The following PTPRD variants were observed in gnomAD, a reference collection of about 807,000 sequenced individuals.
The protein encoded by PTPRD is protein tyrosine phosphatase receptor type D.
A neutral mutation model predicts 214.5 loss-of-function variants in PTPRD; 34 were observed. The ratio of observed to expected loss-of-function variants is 0.16; its 90% CI spans 0.12 to 0.21. PTPRD has a LOEUF of 0.21. Ranked by LOEUF, PTPRD falls within the 10% of genes least tolerant of loss-of-function variation. PTPRD has a pLI of 1.00. For missense variants in PTPRD, 2,545 were observed against 2,398.7 expected, an observed-to-expected ratio of 1.06 and a Z score of -1.27; for synonymous variants, 1,128 against 845.7, an observed-to-expected ratio of 1.33 and a Z score of -5.79.
chr9:10,200,865 C>G (rs773300651), intron 3 of PTPRD, among the ~76,000 whole-genome samples: 16 of 151,976 alleles, frequency 1.1e-4, no homozygotes, highest in Non-Finnish European at 2.2e-4. Context: ...TTGTAAAATA[C>G]TAAGAAGAAC....
chr9:10,586,696 T>C (rs2073995578), intron 2 of PTPRD, among the ~76,000 whole-genome samples: 2 of 152,028 alleles, frequency 1.3e-5, no homozygotes. Flanking sequence ...TTATTCCTTC[T>C]TACTATCTAG....
At chr9:9,311,752 A>G (rs1959073948) in intron 9 of PTPRD, among the ~76,000 whole-genome samples, 1 of 152,218 alleles carries the variant, frequency 6.6e-6, no homozygotes, top group East Asian at 1.9e-4. Context: ...TGTTTTAAAT[A>G]GAATACAGAA....
chr9:9,267,092 C>A (rs10977623), intron 9 of PTPRD, among the ~76,000 whole-genome samples: 2 of 151,206 alleles, frequency 1.3e-5, no homozygotes, highest in African/African-American at 4.8e-5. Flanking sequence ...GTTTTAAATG[C>A]TAATTACCCT....
chr9:9,014,736 T>C (rs566370011), intron 11 of PTPRD, among the ~76,000 whole-genome samples: 11 of 152,276 alleles, frequency 7.2e-5, no homozygotes, highest in African/African-American at 2.4e-4. Context: ...TCTAAACACA[T>C]TGAGCCTCTA....
In PTPRD at chr9:9,812,204, A is replaced by C. The variant is rs141714110; in HGVS notation, c.-367-45353T>G. 1.3e-3 allele frequency among the ~76,000 whole-genome samples: 197 copies of C among 152,258 alleles called. 1 individual carries two copies. The highest frequency in any genetic ancestry group is 4.5e-3 in the African/African-American group (187 of 41,564). On this transcript the variant is annotated intron_variant, in intron 5 of 45. Transcript: ENST00000381196. ...AGTATAGTATAAACGTAACTTTTAT[A>C]TTTATGGGAAACCAAAAATTTTGTA... is the stretch of plus-strand genomic sequence containing the variant.
intron 3 of PTPRD, among the ~76,000 whole-genome samples, chr9:10,289,235 T>C (rs1235877433): frequency 1.3e-5 from 2 of 152,178 alleles, no homozygotes; most frequent in Admixed American, 6.6e-5. Context: ...ATATACTATG[T>C]ATTATTTTAT....
chr9:9,869,523 A>T (rs143499725), intron 5 of PTPRD, among the ~76,000 whole-genome samples: 20 of 152,204 alleles, frequency 1.3e-4, no homozygotes, highest in African/African-American at 4.8e-4. Flanking sequence ...TTTGTCCCAC[A>T]TTCAGATTGT....
At chr9:9,964,053 G>GAAGC (rs2094522809) in intron 4 of PTPRD, among the ~76,000 whole-genome samples, 1 of 152,154 alleles carries the variant, frequency 6.6e-6, no homozygotes. Flanking sequence ...GACAGAGGCA[G>GAAGC]AGGCAGGCAG....
chr9:9,619,255 C>T (rs2095088639), intron 7 of PTPRD, among the ~76,000 whole-genome samples: 1 of 151,890 alleles, frequency 6.6e-6, no homozygotes, highest in African/African-American at 2.4e-5. Flanking sequence ...TATAGACTTG[C>T]AGATGTTGAA....
At chr9:10,105,026 C>T (rs1227528759) in intron 3 of PTPRD, among the ~76,000 whole-genome samples, 1 of 151,902 alleles carries the variant, frequency 6.6e-6, no homozygotes, top group Non-Finnish European at 1.5e-5. Context: ...TAATGCTTTA[C>T]ATTTCAGTCC....
rs545240990 is a variant in PTPRD, at chr9:9,008,417, C to T, written c.-104+10280G>A. ...TAATTTTTTGTATTTTTATTAGAGACGGGGTTTCACCGTGTTAGCCAGGAT... is the reference window on the plus strand; with the variant it reads ...TAATTTTTTGTATTTTTATTAGAGATGGGGTTTCACCGTGTTAGCCAGGAT... On this transcript the variant is annotated intron_variant, in intron 11 of 45. Transcript: ENST00000381196. Among the ~76,000 whole-genome samples, 97 of 151,614 alleles carry T rather than the reference C, an allele frequency of 6.4e-4. 2 individuals are homozygous for T. Among genetic ancestry groups the T allele is most frequent in the African/African-American group, 2.3e-3 (94 of 41,332 alleles).
intron 8 of PTPRD, among the ~76,000 whole-genome samples, chr9:9,456,292 C>A (rs1190429778): frequency 6.6e-6 from 1 of 151,652 alleles, no homozygotes; most frequent in Non-Finnish European, 1.5e-5. Context: ...CAAACACAAA[C>A]CCCAATGTCT....
intron 39 of PTPRD, among the ~76,000 whole-genome samples, chr9:8,347,802 C>T (rs12682993): frequency 0.13 from 19,927 of 152,042 alleles, 1,798 homozygotes; most frequent in East Asian, 0.35. Context: ...GGCCGTGTGA[C>T]GGCACAGTGA....
chr9:9,122,281 C>T (rs2099818329), intron 10 of PTPRD, among the ~76,000 whole-genome samples: 1 of 152,076 alleles, frequency 6.6e-6, no homozygotes, highest in African/African-American at 2.4e-5. Flanking sequence ...GAAAGACACA[C>T]CTATATGGGA....
intron 3 of PTPRD, among the ~76,000 whole-genome samples, chr9:10,199,870 T>C (rs952959364): frequency 5.3e-5 from 8 of 150,664 alleles, no homozygotes; most frequent in African/African-American, 1.7e-4. Context: ...CCAACATAAC[T>C]ACCACTTAAC....
At chr9:9,228,911 G>A (rs2133756628) in intron 9 of PTPRD, among the ~76,000 whole-genome samples, 1 of 152,192 alleles carries the variant, frequency 6.6e-6, no homozygotes, top group East Asian at 1.9e-4. Flanking sequence ...TATGTGAAGT[G>A]TAGATAGTTT....
At chr9:8,528,883 G>A (rs2074941667) in intron 14 of PTPRD, 104 bp from the exon 15 acceptor site, 1 of 1,097,450 alleles carries the variant, frequency 9.1e-7, no homozygotes, top group Non-Finnish European at 1.3e-6. Context: ...TGCTTGTTGA[G>A]AACCTAACAC....
At position 8,708,272 on chromosome 9, in the gene PTPRD, G is replaced by A. The variant is rs569681772; in HGVS notation, c.64+25508C>T. ...GGTTGTTATCAAATAACAAAAGGTA[G>A]GTGTTGGTGAGGATGTGGAGAAAAG... is the stretch of plus-strand genomic sequence containing the variant. On this transcript the variant is annotated intron_variant, in intron 12 of 45. Coordinates refer to ENST00000381196, the MANE Select transcript of PTPRD (RefSeq NM_002839.4). 1.5e-4 allele frequency among the ~76,000 whole-genome samples: 23 copies of A among 152,228 alleles called. 1 individual carries two copies. In the East Asian group the frequency reaches 4.4e-3, roughly 29 times the overall value.
At chr9:9,429,695 T>C (rs1301938463) in intron 8 of PTPRD, among the ~76,000 whole-genome samples, 2 of 152,312 alleles carry the variant, frequency 1.3e-5, no homozygotes. Flanking sequence ...TCAAAAAGCT[T>C]ATCCACCATG....
Sources: allele counts gnomAD v4.1 joint callset (sites outside exome capture counted in the v4.1 genomes callset), GRCh38; gene constraint gnomAD v4.1.1; transcripts MANE v1.5; gene names NCBI Gene and HGNC (gene_info 2026-07-23, HGNC 2026-07-21).